The following SHROOM4 variants were observed in gnomAD, a reference collection of about 807,000 sequenced individuals.
SHROOM4 encodes the protein shroom family member 4, also known as protein Shroom4.
In SHROOM4, 17 loss-of-function variants were observed where a neutral mutation model predicts 80.3. The ratio of observed to expected loss-of-function variants is 0.21; its 90% CI spans 0.14 to 0.32. SHROOM4 has a LOEUF of 0.32. SHROOM4 is among the 10% of genes least tolerant of loss of function. SHROOM4 has a pLI of 1.00. For synonymous variants in SHROOM4, 400 were observed against 437.5 expected (o/e 0.91, Z 1.07); for missense variants, 993 against 1,140.3 (o/e 0.87, Z 1.86).
At chrX:50,660,807 G>C (rs991303920) in intron 2 of SHROOM4, among the ~76,000 whole-genome samples, 2 of 108,699 alleles carry the variant, frequency 1.8e-5, no homozygotes, top group Non-Finnish European at 3.8e-5. Flanking sequence ...TGTCAAGACA[G>C]GGTCTCACTA....
At chrX:50,629,582 T>C (rs782142967) in intron 4 of SHROOM4, among the ~76,000 whole-genome samples, 1 of 112,264 alleles carries the variant, frequency 8.9e-6, no homozygotes, top group East Asian at 2.8e-4. Flanking sequence ...TGTCATGTTA[T>C]TCAAATTCTG....
At chrX:50,731,125 C>T (rs1190621488) in intron 1 of SHROOM4, among the ~76,000 whole-genome samples, 5 of 110,323 alleles carry the variant, frequency 4.5e-5, no homozygotes, top group South Asian at 3.9e-4. Context: ...TTGACTCTGT[C>T]GCATTAAAAC....
intron 5 of SHROOM4, among the ~76,000 whole-genome samples, chrX:50,618,256 TTTC>T (rs1217450677): frequency 9.5e-4 from 102 of 107,704 alleles, no homozygotes; most frequent in African/African-American, 3.4e-3. Context: ...CTCTGGTTTC[TTTC>T]TTTTCTTCTC....
At chrX:50,629,387 A>C (rs1001136946) in intron 4 of SHROOM4, among the ~76,000 whole-genome samples, 1 of 111,774 alleles carries the variant, frequency 8.9e-6, no homozygotes, top group Non-Finnish European at 1.9e-5. Context: ...GCATGGATTC[A>C]AATCGCACAC....
At chrX:50,603,197 C>T (rs1929512950) in intron 6 of SHROOM4, among the ~76,000 whole-genome samples, 1 of 111,176 alleles carries the variant, frequency 9.0e-6, no homozygotes, top group African/African-American at 3.3e-5. Flanking sequence ...GTATCTGAGA[C>T]CTTATCTATT....
intron 2 of SHROOM4, among the ~76,000 whole-genome samples, chrX:50,683,965 G>C (rs1197373234): frequency 9.0e-6 from 1 of 111,534 alleles, no homozygotes; most frequent in East Asian, 2.8e-4. Flanking sequence ...GAATAGACAA[G>C]AGAAAGCAAA....
intron 1 of SHROOM4, among the ~76,000 whole-genome samples, chrX:50,756,575 T>A (rs1602490985): frequency 8.9e-6 from 1 of 112,418 alleles, no homozygotes; most frequent in South Asian, 3.7e-4. Flanking sequence ...ACTGCTAAAC[T>A]GTTTTCCAAA....
intron 1 of SHROOM4, among the ~76,000 whole-genome samples, chrX:50,738,008 G>A (rs1295723494): frequency 9.0e-6 from 1 of 111,675 alleles, no homozygotes; most frequent in Non-Finnish European, 1.9e-5. Flanking sequence ...TCCCTGGGAT[G>A]CAAGGCTGGT....
intron 1 of SHROOM4, among the ~76,000 whole-genome samples, chrX:50,737,067 AT>A (rs1416605420): frequency 8.9e-6 from 1 of 111,993 alleles, no homozygotes; most frequent in Admixed American, 9.5e-5. Context: ...TACGTATAAA[AT>A]AATAGACAAC....
At position 50,596,812 on chromosome X, in the gene SHROOM4, G is replaced by C. The variant is rs782147399; in HGVS notation, c.4365C>G (p.Val1455=). The C allele has an allele frequency of 9.9e-6, 12 of 1,211,172 alleles. No homozygotes were observed. Among genetic ancestry groups the C allele is most frequent in the Non-Finnish European group, 1.3e-5 (12 of 895,018 alleles). ...QDQLQDYQHF[V]KMKSALIIEQ... is the part of the protein sequence containing the mutation. ...CAATGATGAGAGCAGATTTCATCTT[G>C]ACAAAGTGCTGGTAATCTTGGAGCT... Residue 1455 remains valine (V), a synonymous_variant, in exon 9 of 9, where the codon GTC becomes GTG. Transcript: ENST00000376020.
intron 1 of SHROOM4, among the ~76,000 whole-genome samples, chrX:50,783,869 C>T (rs782346148): frequency 3.6e-5 from 4 of 111,995 alleles, no homozygotes; most frequent in Admixed American, 9.4e-5. Flanking sequence ...AGACACCGTG[C>T]CCGGCCAGAT....
chrX:50,762,776 T>A (rs1557269021), intron 1 of SHROOM4, among the ~76,000 whole-genome samples: 1 of 111,895 alleles, frequency 8.9e-6, no homozygotes, highest in Admixed American at 9.5e-5. Context: ...CTTTTTGGAG[T>A]TCACTTGTAC....
At position 50,770,252 on chromosome X, in the gene SHROOM4, C is replaced by T. The variant is rs144341854; in HGVS notation, c.117+43650G>A. Among the ~76,000 whole-genome samples, 563 of 111,512 alleles carry T rather than the reference C, an allele frequency of 5.0e-3. 7 individuals are homozygous for T. The highest frequency in any genetic ancestry group is 0.018 in the African/African-American group (550 of 30,611). ...AAAAGAGCCACAGACTTACAAATAG[C>T]CTCGGGGAGCCAGCATGCATTCCAA... On this transcript the variant is annotated intron_variant, in intron 1 of 8. Transcript: ENST00000376020.
At chrX:50,801,282 G>T (rs193255192) in intron 1 of SHROOM4, among the ~76,000 whole-genome samples, 3 of 106,978 alleles carry the variant, frequency 2.8e-5, no homozygotes, top group African/African-American at 1.0e-4. Flanking sequence ...GAGAGAGAGA[G>T]AGAGAGAGAA....
intron 2 of SHROOM4, among the ~76,000 whole-genome samples, chrX:50,660,518 C>G (rs1194080528): frequency 4.5e-5 from 4 of 88,837 alleles, no homozygotes; most frequent in Non-Finnish European, 8.7e-5. Flanking sequence ...TTCTCTCTCT[C>G]TCTCTCTCTC....
chrX:50,657,005 T>C (rs1932336437), intron 2 of SHROOM4, among the ~76,000 whole-genome samples: 1 of 111,379 alleles, frequency 9.0e-6, no homozygotes, highest in African/African-American at 3.3e-5. Context: ...TCCTAAGTAT[T>C]TTAGATTTAT....
intron 5 of SHROOM4, among the ~76,000 whole-genome samples, chrX:50,609,769 A>T (rs1929872632): frequency 9.1e-6 from 1 of 109,818 alleles, no homozygotes; most frequent in Non-Finnish European, 1.9e-5. Context: ...CATAAGAAAA[A>T]CCTATCAGAA....
At chrX:50,770,514 C>T (rs1031806956) in intron 1 of SHROOM4, among the ~76,000 whole-genome samples, 1 of 112,081 alleles carries the variant, frequency 8.9e-6, no homozygotes, top group Non-Finnish European at 1.9e-5. Flanking sequence ...AGAGAGAATT[C>T]AGGAAACAGT....
chrX:50,788,412 G>C, intron 1 of SHROOM4, among the ~76,000 whole-genome samples: 1 of 110,824 alleles, frequency 9.0e-6, no homozygotes, highest in Non-Finnish European at 1.9e-5. Flanking sequence ...TTATAAGACA[G>C]ACGAGACCAC....
Sources: allele counts gnomAD v4.1 joint callset (sites outside exome capture counted in the v4.1 genomes callset), GRCh38; gene constraint gnomAD v4.1.1; transcripts MANE v1.5; gene names NCBI Gene and HGNC (gene_info 2026-07-23, HGNC 2026-07-21).